The following CFAP54 variants were observed in gnomAD, a reference collection of about 807,000 sequenced individuals.
CFAP54 encodes cilia and flagella associated protein 54.
A neutral mutation model predicts 370.4 loss-of-function variants in CFAP54; 290 were observed. The ratio of observed to expected loss-of-function variants is 0.78; its 90% confidence interval spans 0.71 to 0.86. The LOEUF (loss-of-function observed/expected upper bound fraction) is 0.86, where lower values mean the gene tolerates loss of function less well. Among genes scored for constraint, CFAP54 ranks in the 40% least tolerant of loss-of-function variants. The pLI, the probability that CFAP54 is intolerant of heterozygous loss-of-function variation, is 0.00. For missense variants in CFAP54, 3,399 were observed against 3,528.7 expected (o/e 0.96, Z 0.93); for synonymous variants, 1,206 against 1,236.5 (o/e 0.98, Z 0.52).
intron 60 of CFAP54, among the ~76,000 whole-genome samples, chr12:96,766,931 G>A (rs903289242): frequency 2.6e-5 from 4 of 152,246 alleles, no homozygotes; most frequent in Non-Finnish European, 4.4e-5. Context: ...GCTGTAGGTC[G>A]GGTTCAGGTG....
chr12:96,854,085 A>G (rs778395258), intron 66 of CFAP54, among the ~76,000 whole-genome samples: 1 of 152,132 alleles, frequency 6.6e-6, no homozygotes, highest in Non-Finnish European at 1.5e-5. Flanking sequence ...GAAAATACAA[A>G]TATATTAATG....
chr12:96,591,943 A>T (rs949680099), intron 23 of CFAP54, among the ~76,000 whole-genome samples: 1 of 150,754 alleles, frequency 6.6e-6, no homozygotes, highest in African/African-American at 2.4e-5. Flanking sequence ...GTGAACAAGG[A>T]GACATCAGGG....
chr12:96,691,596 A>T (rs751876419), intron 44 of CFAP54, among the ~76,000 whole-genome samples: 5 of 152,136 alleles, frequency 3.3e-5, no homozygotes, highest in Admixed American at 2.0e-4. Flanking sequence ...TGCATCACTG[A>T]TCTCAAACAC....
chr12:96,554,718 T>C lies in CFAP54; in HGVS notation c.2326T>C (p.Ser776Pro). Residue 776 changes from serine to proline, a missense_variant, in exon 17 of 68, where the codon TCA becomes CCA. Transcript: ENST00000524981. ...TGGAGATACTTACAAACCACTTGCC[T>C]CAAATAGTTTCATGATGGATTTGCA... ...IDGDTYKPLA[S>P]NSFMMDLHLE... The C allele has an allele frequency of 6.5e-7, 1 of 1,535,062 alleles. No homozygotes were observed. Among genetic ancestry groups the C allele is most frequent in the Non-Finnish European group, 8.7e-7 (1 of 1,146,178 alleles).
intron 67 of CFAP54, among the ~76,000 whole-genome samples, chr12:96,872,198 A>C (rs1960188739): frequency 6.6e-6 from 1 of 152,186 alleles, no homozygotes; most frequent in African/African-American, 2.4e-5. Flanking sequence ...AAAAAACACA[A>C]AGTCCTAAGG....
intron 58 of CFAP54, among the ~76,000 whole-genome samples, chr12:96,762,987 GT>G: frequency 6.6e-6 from 1 of 152,080 alleles, no homozygotes; most frequent in African/African-American, 2.4e-5. Context: ...AGATACTTTT[GT>G]TATTGTTTGT....
At chr12:96,705,057 A>T (rs958636518) in intron 47 of CFAP54, among the ~76,000 whole-genome samples, 1 of 152,184 alleles carries the variant, frequency 6.6e-6, no homozygotes, top group Admixed American at 6.5e-5. Context: ...TAATAATTTT[A>T]AAAAACTTAG....
At position 96,827,865 on chromosome 12, in the gene CFAP54, A is replaced by ATATAT. The variant is rs1387611325; in HGVS notation, c.9097-1143_9097-1139dup. On this transcript the variant is annotated intron_variant, in intron 65 of 67. Transcript: ENST00000524981. ...ATATAATTATATATAATACATAGTA[A>ATATAT]TATATTATATATAGTTATATATAAT... Among the ~76,000 whole-genome samples, 8 of 112,020 alleles carry ATATAT rather than the reference A, an allele frequency of 7.1e-5. 1 individual carries two copies. In the East Asian group the frequency reaches 1.1e-3, roughly 15 times the overall value. The allele number at this position is 112,020 out of a possible 152,430, so 73.5% of individuals were successfully genotyped here.
chr12:96,792,374 G>A lies in CFAP54; in HGVS notation c.8725G>A (p.Val2909Ile). 1 of 1,535,740 alleles carries A rather than the reference G, an allele frequency of 6.5e-7. No homozygotes were observed. Among genetic ancestry groups the A allele is most frequent in the South Asian group, 1.2e-5 (1 of 84,000 alleles). Residue 2909 changes from valine to isoleucine, a missense_variant, in exon 63 of 68, where the codon GTT (valine) becomes ATT (isoleucine). Physicochemically the swap from Val to Ile is conservative, Grantham distance 29. Around this residue, in one of 3 missense-constraint regions of CFAP54, gnomAD observed 2,796 missense variants for 2,869.7 expected, o/e 0.97. Coordinates refer to ENST00000524981, the MANE Select transcript of CFAP54 (RefSeq NM_001306084.2). Reference sequence around the variant, plus strand: ...ACAATCCATTTTATCTTTTAAGCCTGTTTCAGGCTCATCTTGTGTGGACAT... The same window carrying A: ...ACAATCCATTTTATCTTTTAAGCCTATTTCAGGCTCATCTTGTGTGGACAT... ...SVQSILSFKP[V>I]SGSSCVDITP...
chr12:96,538,962 C>G (rs1955539025), intron 13 of CFAP54, among the ~76,000 whole-genome samples: 1 of 151,880 alleles, frequency 6.6e-6, no homozygotes, highest in South Asian at 2.1e-4. Context: ...CCACATTGCC[C>G]AGGCTGGTCA....
chr12:96,594,519 A>C (rs1325625123), intron 25 of CFAP54, 73 bp downstream of exon 25: 1 of 1,217,142 alleles, frequency 8.2e-7, no homozygotes, highest in Non-Finnish European at 1.1e-6. Flanking sequence ...TAGAAAAGAA[A>C]AGCCATGTAT....
intron 55 of CFAP54, among the ~76,000 whole-genome samples, chr12:96,751,652 A>G (rs1030767363): frequency 1.3e-5 from 2 of 152,178 alleles, no homozygotes; most frequent in African/African-American, 2.4e-5. Flanking sequence ...ACAAATTAGC[A>G]TATCTTTTAT....
chr12:96,627,275 G>T (rs986686893), intron 30 of CFAP54, among the ~76,000 whole-genome samples: 1 of 152,130 alleles, frequency 6.6e-6, no homozygotes, highest in African/African-American at 2.4e-5. Context: ...CATTTACCAC[G>T]TGTTTGTAAT....
chr12:96,536,837 G>A (rs564308208), intron 12 of CFAP54, among the ~76,000 whole-genome samples: 1 of 152,096 alleles, frequency 6.6e-6, no homozygotes, highest in Admixed American at 6.5e-5. Context: ...TGTTGTACAG[G>A]CTGGTCTCGA....
intron 20 of CFAP54, among the ~76,000 whole-genome samples, chr12:96,579,040 T>G (rs960804648): frequency 1.1e-4 from 17 of 152,322 alleles, no homozygotes; most frequent in East Asian, 1.9e-4. Context: ...CCCTCCAAAT[T>G]CTGGTTTATA....
chr12:96,640,279 A>C lies in CFAP54; in HGVS notation c.4317-3899A>C, dbSNP rs189675856. Among the ~76,000 whole-genome samples the C allele has an allele frequency of 7.8e-3, 1,188 of 152,282 alleles. 12 individuals carry two copies. The highest frequency in any genetic ancestry group is 0.02 in the Middle Eastern group (6 of 294). ...CAAAAATCACAAGTATTTTTATACAACAATAACAGACAAACAGCCAAATCA... is the reference window on the plus strand; with the variant it reads ...CAAAAATCACAAGTATTTTTATACACCAATAACAGACAAACAGCCAAATCA... On this transcript the variant is annotated intron_variant, in intron 32 of 67. Coordinates refer to ENST00000524981, the MANE Select transcript of CFAP54 (RefSeq NM_001306084.2).
intron 62 of CFAP54, among the ~76,000 whole-genome samples, chr12:96,789,594 A>G (rs1487238611): frequency 6.6e-6 from 1 of 152,228 alleles, no homozygotes; most frequent in African/African-American, 2.4e-5. Context: ...ACTGTTCTAC[A>G]AGGAGCTCTG....
intron 47 of CFAP54, among the ~76,000 whole-genome samples, chr12:96,708,057 A>T (rs1397240089): frequency 6.6e-6 from 1 of 152,148 alleles, no homozygotes; most frequent in Non-Finnish European, 1.5e-5. Flanking sequence ...GATGCAGACC[A>T]TAAGAGGGCT....
At position 96,719,047 on chromosome 12, in the gene CFAP54, A is replaced by C. The variant is rs77404880; in HGVS notation, c.6804+525A>C. On this transcript the variant is annotated intron_variant, in intron 49 of 67. Coordinates refer to ENST00000524981, the MANE Select transcript of CFAP54 (RefSeq NM_001306084.2). ...GAGCGAAACTCCATTTCAAAAAAAA[A>C]AACAACAAAGAAACATGATTCATTA... Among the ~76,000 whole-genome samples the C allele has an allele frequency of 3.5e-3, 528 of 152,252 alleles. 14 individuals carry two copies. The East Asian group carries it at 0.069, about 20-fold the overall frequency.
Sources: gnomAD v4.1 joint callset for allele counts (sites outside exome capture counted in the v4.1 genomes callset) on GRCh38, gnomAD v4.1.1 for gene constraint, gnomAD v4.1.1 regional missense constraint, MANE v1.5 for transcripts, NCBI Gene and HGNC (gene_info 2026-07-23, HGNC 2026-07-21) for gene names.